Variants in IL18R1 observed in about 807,000 individuals in gnomAD.
The protein encoded by IL18R1 is interleukin-18 receptor 1.
Under a neutral mutation model 48.5 loss-of-function variants are expected in IL18R1, and 40 were observed. The ratio of observed to expected loss-of-function variants is 0.82; its 90% CI spans 0.64 to 1.07. The LOEUF (loss-of-function observed/expected upper bound fraction) is 1.07, where lower values mean the gene tolerates loss of function less well. IL18R1 is among the 50% of genes least tolerant of loss of function. IL18R1 has a pLI of 0.00. For missense variants in IL18R1, 596 were observed against 633.7 expected (o/e 0.94, Z 0.64); for synonymous variants, 232 against 225.9 (o/e 1.03, Z -0.24).
chr2:102,393,981 G>A (rs1680684379), intron 9 of IL18R1, among the ~76,000 whole-genome samples: 1 of 152,150 alleles, frequency 6.6e-6, no homozygotes, highest in Admixed American at 6.5e-5. Flanking sequence ...AAATAGATTG[G>A]ATGAAGCTAG....
chr2:102,368,200 A>G (rs1304271102), intron 3 of IL18R1, 132 bp downstream of exon 3: 3 of 1,007,386 alleles, frequency 3.0e-6, no homozygotes, highest in Admixed American at 4.4e-5. Context: ...CTATGACATG[A>G]AATACATTCT....
At chr2:102,390,327 G>A (rs1478438836) in intron 9 of IL18R1, 110 bp downstream of exon 9, 1 of 1,023,024 alleles carries the variant, frequency 9.8e-7, no homozygotes, top group Non-Finnish European at 1.4e-6. Flanking sequence ...TAATCTGTGG[G>A]AGAGGTTTTC....
chr2:102,368,580 G>A (rs868538053), intron 3 of IL18R1, among the ~76,000 whole-genome samples: 28 of 152,252 alleles, frequency 1.8e-4, no homozygotes, highest in Middle Eastern at 6.8e-3. Context: ...GCAGCCAATC[G>A]CAACCCACAG....
intron 3 of IL18R1, among the ~76,000 whole-genome samples, chr2:102,369,661 A>T (rs1200603436): frequency 6.6e-6 from 1 of 152,222 alleles, no homozygotes. Context: ...TTTACTGCAG[A>T]TGTGTGTGTA....
At chr2:102,370,302 T>C (rs1045204141) in intron 3 of IL18R1, among the ~76,000 whole-genome samples, 1 of 152,148 alleles carries the variant, frequency 6.6e-6, no homozygotes, top group African/African-American at 2.4e-5. Context: ...TAGAGAACAA[T>C]GTAGTCTGAA....
intron 1 of IL18R1, 45 bp downstream of exon 1, chr2:102,356,445 C>T (rs766606252): frequency 7.0e-6 from 3 of 427,812 alleles, no homozygotes; most frequent in African/African-American, 6.6e-5. Flanking sequence ...CCCCACCCCC[C>T]AGAGGAAGGG....
chr2:102,363,697 A>C (rs1049424662), intron 2 of IL18R1, among the ~76,000 whole-genome samples: 8 of 152,174 alleles, frequency 5.3e-5, no homozygotes, highest in Non-Finnish European at 1.2e-4. Flanking sequence ...AAAGTTGCCA[A>C]GCTCCCAGCT....
intron 3 of IL18R1, among the ~76,000 whole-genome samples, chr2:102,370,967 A>T (rs1314893318): frequency 6.6e-6 from 1 of 152,356 alleles, no homozygotes; most frequent in South Asian, 2.1e-4. Context: ...AGTGGAAGCA[A>T]ACATGAAATT....
intron 7 of IL18R1, among the ~76,000 whole-genome samples, chr2:102,385,839 T>C (rs984136985): frequency 1.3e-5 from 2 of 152,224 alleles, no homozygotes; most frequent in African/African-American, 4.8e-5. Context: ...CATTTGAGTT[T>C]TGTATTTCTC....
chr2:102,373,448 C>T (rs937570974), intron 4 of IL18R1, among the ~76,000 whole-genome samples: 19 of 144,926 alleles, frequency 1.3e-4, no homozygotes, highest in Admixed American at 2.1e-4. Context: ...CATCACACAC[C>T]GGGGCCTGTT....
intron 5 of IL18R1, among the ~76,000 whole-genome samples, chr2:102,378,873 T>C (rs1452068182): frequency 6.6e-6 from 1 of 152,172 alleles, no homozygotes; most frequent in African/African-American, 2.4e-5. Context: ...TCTACAGAAA[T>C]TAGAGCTTGG....
chr2:102,390,028 T>G (rs1217689909), intron 8 of IL18R1, 28 bp from the exon 9 acceptor site: 5 of 1,610,750 alleles, frequency 3.1e-6, no homozygotes, highest in Non-Finnish European at 4.2e-6. Flanking sequence ...TTGATTATTT[T>G]CTTTTCCTTT....
rs536227841 is a variant in IL18R1, at chr2:102,397,402, C to A, written c.*516C>A. The stretch of plus-strand genomic sequence containing the variant: ...TGGGAGGAGGGGCTGGCAGGGCCGC[C>A]TTCAGAGGCTGCAGGGCCTCAGCCT... On this transcript the variant is annotated 3_prime_UTR_variant, in exon 11 of 11. Transcript: ENST00000233957. 1 of 153,316 alleles carries A rather than the reference C, an allele frequency of 6.5e-6. No individual in the cohort carries two copies. The highest frequency in any genetic ancestry group is 2.4e-5 in the African/African-American group (1 of 41,594). The allele number at this position is 153,316 out of a possible 1,614,324, so 9.5% of individuals were successfully genotyped here.
At chr2:102,384,186 G>T (rs919618307) in intron 6 of IL18R1, among the ~76,000 whole-genome samples, 1 of 152,162 alleles carries the variant, frequency 6.6e-6, no homozygotes, top group Non-Finnish European at 1.5e-5. Context: ...GGTGAGGGAG[G>T]GGGTGCTGCA....
At chr2:102,372,142 C>A (rs1358850263) in intron 4 of IL18R1, 24 bp downstream of exon 4, 1 of 1,531,366 alleles carries the variant, frequency 6.5e-7, no homozygotes, top group Non-Finnish European at 8.8e-7. Context: ...AATATTTTAA[C>A]TTTAAGACTT....
At chr2:102,363,126 C>T (rs1678681627) in intron 2 of IL18R1, among the ~76,000 whole-genome samples, 1 of 151,148 alleles carries the variant, frequency 6.6e-6, no homozygotes, top group Admixed American at 6.6e-5. Flanking sequence ...ACTGGCTAGA[C>T]CAAGGAGCTC....
chr2:102,367,728 C>A, intron 2 of IL18R1, 97 bp from the exon 3 acceptor site: 2 of 1,012,080 alleles, frequency 2.0e-6, no homozygotes, highest in Non-Finnish European at 1.4e-6. Context: ...TTCTTGCTAA[C>A]CTTGCTTCTT....
chr2:102,378,284 C>T (rs1679712158), intron 5 of IL18R1, among the ~76,000 whole-genome samples: 1 of 152,172 alleles, frequency 6.6e-6, no homozygotes, highest in Non-Finnish European at 1.5e-5. Context: ...GAGTTAATTT[C>T]CTTAGTTCCT....
chr2:102,369,186 G>A (rs199539726), intron 3 of IL18R1, among the ~76,000 whole-genome samples: 1 of 151,798 alleles, frequency 6.6e-6, no homozygotes. Context: ...AACAAACACC[G>A]CCCCCCCCAC....
Sources: allele counts gnomAD v4.1 joint callset (sites outside exome capture counted in the v4.1 genomes callset), GRCh38; gene constraint gnomAD v4.1.1; transcripts MANE v1.5; gene names NCBI Gene and HGNC (gene_info 2026-07-23, HGNC 2026-07-21).